JAKMIP1: variants seen among roughly 807,000 people sequenced by gnomAD.
The protein encoded by JAKMIP1 is janus kinase and microtubule interacting protein 1.
A neutral mutation model predicts 113.0 loss-of-function variants in JAKMIP1; 33 were observed. That is an observed-to-expected ratio of 0.29 (90% CI 0.22 to 0.39). JAKMIP1 has a LOEUF of 0.39. JAKMIP1 is among the 10% of genes least tolerant of loss of function. The pLI, the probability that JAKMIP1 is intolerant of heterozygous loss-of-function variation, is 1.00. For missense variants in JAKMIP1, 813 were observed against 1,080.5 expected, an observed-to-expected ratio of 0.75 and a Z score of 3.47; for synonymous variants, 480 against 459.9, an observed-to-expected ratio of 1.04 and a Z score of -0.56.
chr4:6,029,600 C>CAGAG (rs1712318285), intron 20 of JAKMIP1, 116 bp downstream of exon 20: 1 of 696,430 alleles, frequency 1.4e-6, no homozygotes, highest in African/African-American at 1.8e-5. Flanking sequence ...GGAAGAAGGG[C>CAGAG]AGAGAAAGGA....
At position 6,186,892 on chromosome 4, in the gene JAKMIP1, A is replaced by G. The variant is rs1329510929; in HGVS notation, c.-148+13361T>C. Among the ~76,000 whole-genome samples the G allele has an allele frequency of 1.3e-5, 2 of 152,136 alleles. No individual in the cohort carries two copies. Among genetic ancestry groups the G allele is most frequent in the Non-Finnish European group, 2.9e-5 (2 of 68,030 alleles). On this transcript the variant is annotated intron_variant, in intron 1 of 20. Coordinates refer to ENST00000409021, the MANE Select transcript of JAKMIP1 (RefSeq NM_001099433.2). This position sits in a 1 kb window ranked among gnomAD's most constrained non-coding sequence, Gnocchi z 5.5. ...ACCCAAGCTGGAGTGCAGTGGTGCA[A>G]TCACGGCTCACTGCAGCCTCAACCT...
chr4:6,171,859 C>A (rs1212011575), intron 1 of JAKMIP1, among the ~76,000 whole-genome samples: 2 of 152,200 alleles, frequency 1.3e-5, no homozygotes, highest in African/African-American at 4.8e-5. Flanking sequence ...CCAGTTTATG[C>A]CTCCATTAAG....
chr4:6,121,584 G>A (rs528644894), intron 1 of JAKMIP1, among the ~76,000 whole-genome samples: 4 of 152,216 alleles, frequency 2.6e-5, no homozygotes, highest in East Asian at 1.9e-4. Context: ...CACAACAGAC[G>A]TGCAGGCTGC....
Position 6,154,001 on chromosome 4 carries a change from C to T in JAKMIP1, c.-147-41004G>A, listed in dbSNP as rs1273238441. 1.3e-5 allele frequency among the ~76,000 whole-genome samples: 2 copies of T among 152,164 alleles called. No individual in the cohort carries two copies. Among genetic ancestry groups the T allele is most frequent in the Admixed American group, 6.5e-5 (1 of 15,280 alleles). Reference sequence around the variant, plus strand: ...GAGTCTGCCCAGGTCTTGTATGCGGCAGATGTTTACTAAATACTGGCTGCT... The same window carrying T: ...GAGTCTGCCCAGGTCTTGTATGCGGTAGATGTTTACTAAATACTGGCTGCT... On this transcript the variant is annotated intron_variant, in intron 1 of 20. Coordinates refer to ENST00000409021, the MANE Select transcript of JAKMIP1 (RefSeq NM_001099433.2). The surrounding 1 kb of genome is among the most constrained non-coding windows in gnomAD (Gnocchi z 4.2).
chr4:6,148,896 G>C (rs1000969194), intron 1 of JAKMIP1, among the ~76,000 whole-genome samples: 1 of 152,246 alleles, frequency 6.6e-6, no homozygotes, highest in Non-Finnish European at 1.5e-5. Flanking sequence ...AAAAGGAGGA[G>C]TATTTTCTAG....
chr4:6,129,996 C>T lies in JAKMIP1; in HGVS notation c.-147-16999G>A, dbSNP rs1429305761. Among the ~76,000 whole-genome samples, 1 of 152,194 alleles carries T rather than the reference C, an allele frequency of 6.6e-6. No individual in the cohort carries two copies. The highest frequency in any genetic ancestry group is 2.1e-4 in the South Asian group (1 of 4,830). The stretch of plus-strand genomic sequence containing the variant: ...GTGAAGCCAAGTTCAGGAGAAGAGG[C>T]CTCTCTAAATTTGGAAGACTCTGGG... On this transcript the variant is annotated intron_variant, in intron 1 of 20. Transcript: ENST00000409021. The surrounding 1 kb of genome is among the most constrained non-coding windows in gnomAD (Gnocchi z 5.4).
In JAKMIP1 at chr4:6,141,436, A is replaced by ATAAT. The variant is rs1553851330; in HGVS notation, c.-147-28440_-147-28439insATTA. ...GGGCGACAGAGTGAAACCCTGTCTC[A>ATAAT]AAATAAATAAATAAATAAATACCAA... is the stretch of plus-strand genomic sequence containing the variant. On this transcript the variant is annotated intron_variant, in intron 1 of 20. Transcript: ENST00000409021. The surrounding 1 kb of genome is among the most constrained non-coding windows in gnomAD (Gnocchi z 9.4). 6.6e-6 allele frequency among the ~76,000 whole-genome samples: 1 copy of ATAAT among 152,166 alleles called. No individual in the cohort carries two copies. Among genetic ancestry groups the ATAAT allele is most frequent in the African/African-American group, 2.4e-5 (1 of 41,442 alleles).
At chr4:6,099,591 G>T (rs542373391) in intron 3 of JAKMIP1, among the ~76,000 whole-genome samples, 3 of 152,066 alleles carry the variant, frequency 2.0e-5, no homozygotes, top group Admixed American at 6.5e-5. Flanking sequence ...GCTTTAAACA[G>T]TCACTTGTGT....
intron 8 of JAKMIP1, among the ~76,000 whole-genome samples, chr4:6,071,072 GCAAAGTT>G (rs1718889234): frequency 6.6e-6 from 1 of 152,240 alleles, no homozygotes; most frequent in South Asian, 2.1e-4. Context: ...AATGTACATA[GCAAAGTT>G]CATGTATGTT....
chr4:6,068,388 G>C (rs746556958), intron 8 of JAKMIP1, among the ~76,000 whole-genome samples: 14 of 152,178 alleles, frequency 9.2e-5, no homozygotes, highest in African/African-American at 3.1e-4. Context: ...AGAGGAAGCA[G>C]CTCTTAGAGC....
At chr4:6,036,194 CCAGGGAGGGGGGTTTCGGG>C (rs1199656595) in intron 18 of JAKMIP1, 87 bp from the exon 19 acceptor site, 1 of 1,107,238 alleles carries the variant, frequency 9.0e-7, no homozygotes, top group Non-Finnish European at 1.3e-6. Context: ...GGAGGCAGAG[CCAGGGAGGGGGGTTTCGGG>C]CAGGGAGGGG....
chr4:6,039,251 C>A (rs138964633), intron 18 of JAKMIP1, among the ~76,000 whole-genome samples: 1 of 152,098 alleles, frequency 6.6e-6, no homozygotes, highest in Non-Finnish European at 1.5e-5. Context: ...CAAGGTGTTC[C>A]GAAGTGTGTT....
intron 1 of JAKMIP1, among the ~76,000 whole-genome samples, chr4:6,126,694 C>T (rs943775693): frequency 3.4e-5 from 5 of 146,868 alleles, no homozygotes; most frequent in Non-Finnish European, 7.5e-5. Context: ...CATACACCAC[C>T]CACAAGCATG....
chr4:6,048,102 A>G (rs1715226476), intron 16 of JAKMIP1, among the ~76,000 whole-genome samples: 1 of 152,272 alleles, frequency 6.6e-6, no homozygotes, highest in Non-Finnish European at 1.5e-5. Flanking sequence ...AAAACTCAGT[A>G]TCACTAGCAC....
chr4:6,112,667 C>A, intron 2 of JAKMIP1, 55 bp downstream of exon 2: 1 of 1,588,448 alleles, frequency 6.3e-7, no homozygotes. Context: ...AGAGGCAACA[C>A]TGCCCAAAGG....
intron 1 of JAKMIP1, among the ~76,000 whole-genome samples, chr4:6,196,385 T>C (rs1288475077): frequency 6.6e-6 from 1 of 152,130 alleles, no homozygotes; most frequent in Non-Finnish European, 1.5e-5. Flanking sequence ...CCCTGCACAG[T>C]CCACCTGGCC....
At position 6,087,561 on chromosome 4, in the gene JAKMIP1, T is replaced by C. The variant is rs189779500; in HGVS notation, c.625-1932A>G. Among the ~76,000 whole-genome samples, 5 of 152,198 alleles carry C rather than the reference T, an allele frequency of 3.3e-5. No homozygotes were observed. The East Asian group carries it at 7.7e-4, about 24-fold the overall frequency. On this transcript the variant is annotated intron_variant, in intron 3 of 20. Coordinates refer to ENST00000409021, the MANE Select transcript of JAKMIP1 (RefSeq NM_001099433.2). ...CATAGAGATGAGAGAAGAAAGGAAA[T>C]GGTACTCCTAGATTCCAGACTGAGA...
rs991902693 is a variant in JAKMIP1, at chr4:6,168,190, G to T, written c.-148+32063C>A. On this transcript the variant is annotated intron_variant, in intron 1 of 20. Coordinates refer to ENST00000409021, the MANE Select transcript of JAKMIP1 (RefSeq NM_001099433.2). The surrounding 1 kb of genome is among the most constrained non-coding windows in gnomAD (Gnocchi z 4.6). Reference sequence around the variant, plus strand: ...CTGGACCCTTTATGCATTGCTGGTGGGGTCATGAAATGATGCAGCCACTTT... The same window carrying T: ...CTGGACCCTTTATGCATTGCTGGTGTGGTCATGAAATGATGCAGCCACTTT... Among the ~76,000 whole-genome samples, 7 of 152,318 alleles carry T rather than the reference G, an allele frequency of 4.6e-5. No individual in the cohort carries two copies. The highest frequency in any genetic ancestry group is 3.4e-3 in the Middle Eastern group (1 of 294).
At chr4:6,189,619 C>T (rs960704700) in intron 1 of JAKMIP1, among the ~76,000 whole-genome samples, 1 of 152,208 alleles carries the variant, frequency 6.6e-6, no homozygotes, top group Non-Finnish European at 1.5e-5. Flanking sequence ...AATCAGAAAG[C>T]ATTCCTACCC....
Sources: allele counts gnomAD v4.1 joint callset (sites outside exome capture counted in the v4.1 genomes callset), GRCh38; gene constraint gnomAD v4.1.1; non-coding constraint Gnocchi (gnomAD v3.1); transcripts MANE v1.5; gene names NCBI Gene and HGNC (gene_info 2026-07-23, HGNC 2026-07-21).